Variants in EYS observed in about 807,000 individuals in gnomAD.
EYS encodes EGF-like photoreceptor maintenance factor.
In EYS, 250 loss-of-function variants were observed where a neutral mutation model predicts 282.1. The observed-to-expected ratio is 0.89, with a 90% CI of 0.80 to 0.98. EYS has a LOEUF of 0.98. Ranked by LOEUF, EYS falls within the 50% of genes least tolerant of loss-of-function variation. The probability of loss-of-function intolerance (pLI) is 0.00; values close to 1 mark genes in which losing one functional copy is unlikely to be tolerated. For synonymous variants in EYS, 1,355 were observed against 1,282.9 expected (o/e 1.06, Z -1.20); for missense variants, 4,016 against 3,709.0 (o/e 1.08, Z -2.15).
intron 14 of EYS, among the ~76,000 whole-genome samples, chr6:64,989,566 A>T (rs1770987261): frequency 7.1e-6 from 1 of 141,242 alleles, no homozygotes; most frequent in Non-Finnish European, 1.5e-5. Flanking sequence ...TTTATATTTA[A>T]GAACTATGTA....
intron 5 of EYS, among the ~76,000 whole-genome samples, chr6:65,460,486 C>T (rs1764791728): frequency 6.6e-6 from 1 of 151,986 alleles, no homozygotes; most frequent in East Asian, 1.9e-4. Flanking sequence ...CTCTTTAGCT[C>T]ATCTCATCAG....
intron 26 of EYS, among the ~76,000 whole-genome samples, chr6:64,486,673 A>G (rs191550292): frequency 4.6e-5 from 7 of 151,420 alleles, no homozygotes; most frequent in Admixed American, 6.6e-5. Context: ...TGTGTTCCAC[A>G]TGATCAATTC....
chr6:64,214,665 A>C (rs905280216), intron 31 of EYS, among the ~76,000 whole-genome samples: 4 of 152,094 alleles, frequency 2.6e-5, no homozygotes, highest in Non-Finnish European at 5.9e-5. Flanking sequence ...AGGAAGTCAT[A>C]ATCATAGAAA....
chr6:64,018,304 A>G (rs1246292234), intron 33 of EYS, among the ~76,000 whole-genome samples: 1 of 152,220 alleles, frequency 6.6e-6, no homozygotes, highest in South Asian at 2.1e-4. Flanking sequence ...TATAAACCTC[A>G]GATTGGATTC....
intron 22 of EYS, among the ~76,000 whole-genome samples, chr6:64,801,979 G>A (rs1764245702): frequency 6.6e-6 from 1 of 151,124 alleles, no homozygotes; most frequent in African/African-American, 2.4e-5. Flanking sequence ...TTAATAAATG[G>A]GGATACTAAT....
intron 5 of EYS, among the ~76,000 whole-genome samples, chr6:65,419,954 A>G (rs1203792732): frequency 1.3e-5 from 2 of 152,046 alleles, no homozygotes; most frequent in Admixed American, 6.6e-5. Context: ...AAAACAATGT[A>G]CATGCCTTAA....
At chr6:65,423,813 A>G (rs1767557151) in intron 5 of EYS, among the ~76,000 whole-genome samples, 1 of 151,962 alleles carries the variant, frequency 6.6e-6, no homozygotes, top group African/African-American at 2.4e-5. Flanking sequence ...TTTACTTAAG[A>G]TATTTTATCT....
chr6:63,954,841 T>C (rs1012154150), intron 35 of EYS, among the ~76,000 whole-genome samples: 4 of 152,164 alleles, frequency 2.6e-5, no homozygotes, highest in African/African-American at 9.7e-5. Context: ...ACCTCTTCCA[T>C]GTAGGTTACA....
intron 35 of EYS, among the ~76,000 whole-genome samples, chr6:63,940,638 A>G (rs1419470699): frequency 6.6e-6 from 1 of 151,998 alleles, no homozygotes. Flanking sequence ...CATTAAGAAA[A>G]TCATTGAGGA....
intron 23 of EYS, among the ~76,000 whole-genome samples, chr6:64,617,972 T>C (rs1043415913): frequency 7.9e-5 from 12 of 152,218 alleles, no homozygotes; most frequent in Non-Finnish European, 1.6e-4. Context: ...TCTCTAGATA[T>C]ACAATGTTAT....
intron 2 of EYS, among the ~76,000 whole-genome samples, chr6:65,538,922 GA>G (rs1328733212): frequency 6.6e-6 from 1 of 152,146 alleles, no homozygotes; most frequent in Non-Finnish European, 1.5e-5. Context: ...CTCAGGGACT[GA>G]AAACACAATT....
chr6:64,395,260 G>T (rs1449297916), intron 28 of EYS, among the ~76,000 whole-genome samples: 1 of 152,116 alleles, frequency 6.6e-6, no homozygotes, highest in Non-Finnish European at 1.5e-5. Flanking sequence ...AATACCATTT[G>T]ACCCAGCCAT....
chr6:65,545,364 A>T (rs1768346330), intron 2 of EYS, among the ~76,000 whole-genome samples: 1 of 152,108 alleles, frequency 6.6e-6, no homozygotes, highest in African/African-American at 2.4e-5. Context: ...ATTAGTATTT[A>T]GATATTAACC....
At chr6:65,195,696 T>C (rs1765748053) in intron 12 of EYS, among the ~76,000 whole-genome samples, 1 of 152,034 alleles carries the variant, frequency 6.6e-6, no homozygotes, top group Admixed American at 6.6e-5. Context: ...TCATTTTACT[T>C]GTGAGCACAC....
chr6:64,394,898 T>A (rs1773304245), intron 28 of EYS, among the ~76,000 whole-genome samples: 1 of 152,176 alleles, frequency 6.6e-6, no homozygotes, highest in African/African-American at 2.4e-5. Flanking sequence ...AAAGGGCTTA[T>A]ATCCAGAATC....
intron 35 of EYS, among the ~76,000 whole-genome samples, chr6:63,929,461 G>T (rs753834430): frequency 6.6e-6 from 1 of 152,128 alleles, no homozygotes; most frequent in Non-Finnish European, 1.5e-5. Context: ...TCATTGAAAG[G>T]TTTGAGTATC....
intron 6 of EYS, among the ~76,000 whole-genome samples, chr6:65,403,297 T>C (rs1222030823): frequency 6.6e-6 from 1 of 152,092 alleles, no homozygotes; most frequent in African/African-American, 2.4e-5. Flanking sequence ...AAATTAAATT[T>C]GCTGGGCAAA....
intron 8 of EYS, among the ~76,000 whole-genome samples, chr6:65,374,269 C>A (rs1364139603): frequency 6.6e-6 from 1 of 152,072 alleles, no homozygotes; most frequent in East Asian, 1.9e-4. Context: ...ATTGCCTCAC[C>A]TAGGAAGTGT....
chr6:65,557,970 G>T (rs764447048), intron 2 of EYS, among the ~76,000 whole-genome samples: 6 of 152,066 alleles, frequency 3.9e-5, no homozygotes, highest in Non-Finnish European at 8.8e-5. Context: ...AATCCATGCT[G>T]ATTGGTTCAT....
Sources: allele counts gnomAD v4.1 joint callset (sites outside exome capture counted in the v4.1 genomes callset), GRCh38; gene constraint gnomAD v4.1.1; transcripts MANE v1.5; gene names NCBI Gene and HGNC (gene_info 2026-07-23, HGNC 2026-07-21).